The following ZNF662 variants were observed in gnomAD, a reference collection of about 807,000 sequenced individuals.
ZNF662 encodes zinc finger protein 662.
A neutral mutation model predicts 12.4 loss-of-function variants in ZNF662; 14 were observed. That is an observed-to-expected ratio of 1.13 (90% confidence interval 0.75 to 1.77). The LOEUF (loss-of-function observed/expected upper bound fraction) is 1.77. ZNF662 is among the 40% of genes most tolerant of loss of function. The probability of loss-of-function intolerance (pLI) is 0.00; values close to 1 mark genes in which losing one functional copy is unlikely to be tolerated. For missense variants in ZNF662, 550 were observed against 515.6 expected (o/e 1.07, Z -0.65); for synonymous variants, 184 against 176.4 (o/e 1.04, Z -0.34).
Position 42,906,390 on chromosome 3 carries a change from C to T in ZNF662, c.-94+222C>T, listed in dbSNP as rs1368289544. The T allele has an allele frequency of 6.6e-7, 1 of 1,521,536 alleles. No individual in the cohort carries two copies. The highest frequency in any genetic ancestry group is 2.6e-5 in the East Asian group (1 of 38,962). The allele number at this position is 1,521,536 out of a possible 1,614,324, so 94.3% of individuals were successfully genotyped here. A position where few individuals can be genotyped will look rare whatever the true frequency, so the allele number is the denominator to read the frequency against. On this transcript the variant is annotated intron_variant, in intron 1 of 4. Coordinates refer to ENST00000440367, the MANE Select transcript of ZNF662 (RefSeq NM_207404.4). The surrounding 1 kb of genome is among the most constrained non-coding windows in gnomAD (Gnocchi z 4.4). ...CGCTGGCGAGCGGGACACGCCTCGGCCTTGTCCTCGAGCTGCTCCCGGGAC... is the reference window on the plus strand; with the variant it reads ...CGCTGGCGAGCGGGACACGCCTCGGTCTTGTCCTCGAGCTGCTCCCGGGAC...
Position 42,908,800 on chromosome 3 carries a change from T to TC in ZNF662, c.44dup (p.Phe16IlefsTer49). ...CATTTCTTTCCTTTTAAGCAGCATT[T>TC]CCATTTCCCAAACCGGCTCTGATTT... On this transcript the variant is annotated frameshift_variant, in exon 3 of 5. Coordinates refer to ENST00000440367, the MANE Select transcript of ZNF662 (RefSeq NM_207404.4). LOFTEE classifies it high-confidence loss of function. 1 of 1,613,996 alleles carries TC rather than the reference T, an allele frequency of 6.2e-7. No individual in the cohort carries two copies. Among genetic ancestry groups the TC allele is most frequent in the Non-Finnish European group, 8.5e-7 (1 of 1,179,914 alleles).
rs1363684920 is a variant in ZNF662 at position 42,908,120 on chromosome 3, G to A, written c.6G>A (p.Leu2=). M[L]ENYGAVASLA... ...GAGCCCTGTACAGGGATGTGATGCTGGAGAATTATGGGGCTGTGGCTTCCC... is the reference window on the plus strand; with the variant it reads ...GAGCCCTGTACAGGGATGTGATGCTAGAGAATTATGGGGCTGTGGCTTCCC... The change falls in exon 2 of 5, where the codon CTG becomes CTA. Residue 2 remains leucine, a synonymous_variant. Transcript: ENST00000440367. The A allele has an allele frequency of 1.2e-6, 2 of 1,613,956 alleles. No individual in the cohort carries two copies. The highest frequency in any genetic ancestry group is 1.7e-5 in the Admixed American group (1 of 60,020).
In ZNF662 at chr3:42,917,064, A is replaced by G; in HGVS notation, c.*1710A>G. 6.1e-6 allele frequency: 1 copy of G among 163,780 alleles called. No homozygotes were observed. The highest frequency in any genetic ancestry group is 1.3e-5 in the Non-Finnish European group (1 of 76,352). The allele number at this position is 163,780 out of a possible 1,614,324, so 10.1% of individuals were successfully genotyped here. ...CGTCTACACAGGAAAGTAAAGAATTATAGAATTAACTAATTCTACTTGAAA... is the reference window on the plus strand; with the variant it reads ...CGTCTACACAGGAAAGTAAAGAATTGTAGAATTAACTAATTCTACTTGAAA... On this transcript the variant is annotated 3_prime_UTR_variant, in exon 5 of 5. Coordinates refer to ENST00000440367, the MANE Select transcript of ZNF662 (RefSeq NM_207404.4).
chr3:42,912,653 A>T (rs1279906740), intron 3 of ZNF662, among the ~76,000 whole-genome samples: 3 of 46,174 alleles, frequency 6.5e-5, no homozygotes, highest in African/African-American at 2.5e-4. Context: ...TATATATATA[A>T]ATATATATAT....
intron 3 of ZNF662, among the ~76,000 whole-genome samples, chr3:42,910,080 C>G (rs893433524): frequency 6.6e-6 from 1 of 152,182 alleles, no homozygotes; most frequent in Non-Finnish European, 1.5e-5. Context: ...ACTGAGTGAT[C>G]GAGACTCTGT....
In ZNF662 at chr3:42,906,422, C is replaced by T; in HGVS notation, c.-94+254C>T. ...CTCGAGCTGCTCCCGGGACAGCCCG[C>T]GCTGCCCCGGGCGCGCCGGGTGAGT... On this transcript the variant is annotated intron_variant, in intron 1 of 4. Transcript: ENST00000440367. The surrounding 1 kb of genome is among the most constrained non-coding windows in gnomAD (Gnocchi z 4.4). The T allele has an allele frequency of 6.8e-7, 1 of 1,481,304 alleles. No homozygotes were observed. The highest frequency in any genetic ancestry group is 8.9e-7 in the Non-Finnish European group (1 of 1,120,718). 91.8% of individuals were successfully genotyped at this position (1,481,304 alleles called of 1,614,324 possible).
rs9799082 is a variant in ZNF662 at position 42,909,339 on chromosome 3, G to A, written c.151+430G>A. Among the ~76,000 whole-genome samples, 143 of 152,232 alleles carry A rather than the reference G, an allele frequency of 9.4e-4. 1 individual carries two copies. The highest frequency in any genetic ancestry group is 3.2e-3 in the African/African-American group (134 of 41,540). On this transcript the variant is annotated intron_variant, in intron 3 of 4. Transcript: ENST00000440367. ...TGCACCGCCCTTAATCCATTTAACC[G>A]TTAGTGGACACAGCACATGTTTCAG...
At chr3:42,908,255 T>G in intron 2 of ZNF662, 107 bp downstream of exon 2, 1 of 1,481,640 alleles carries the variant, frequency 6.7e-7, no homozygotes. Flanking sequence ...AATGGCAGCT[T>G]CAGGCTCTTG....
rs1470695039 is a variant in ZNF662, at chr3:42,914,612, G to C, written c.539G>C (p.Gly180Ala). The stretch of plus-strand genomic sequence containing the variant: ...AATACTGATGTCAATAACCTCCTTG[G>C]TATACATCACAAAATTCTAAATGAG... ...SGNTDVNNLL[G>A]IHHKILNEQI... The change falls in exon 5 of 5, where the codon GGT (glycine) becomes GCT (alanine). Residue 180 changes from glycine to alanine, a missense_variant. Coordinates refer to ENST00000440367, the MANE Select transcript of ZNF662 (RefSeq NM_207404.4). 4 of 1,614,128 alleles carry C rather than the reference G, an allele frequency of 2.5e-6. No homozygotes were observed. In the South Asian group the frequency reaches 4.4e-5, roughly 18 times the overall value.
chr3:42,917,779 T>C lies in ZNF662; in HGVS notation c.*2425T>C, dbSNP rs2088909559. 1 of 585,718 alleles carries C rather than the reference T, an allele frequency of 1.7e-6. No homozygotes were observed. The highest frequency in any genetic ancestry group is 3.2e-5 in the Admixed American group (1 of 31,194). 36.3% of individuals were successfully genotyped at this position (585,718 alleles called of 1,614,324 possible). A position where few individuals can be genotyped will look rare whatever the true frequency, so the allele number is the denominator to read the frequency against. On this transcript the variant is annotated 3_prime_UTR_variant, in exon 5 of 5. Coordinates refer to ENST00000440367, the MANE Select transcript of ZNF662 (RefSeq NM_207404.4). ...TAGTCTCATAAGCTTCTCAGTTTTATCTCATCTCAGTTGCTTGGAAGTTGA... is the reference window on the plus strand; with the variant it reads ...TAGTCTCATAAGCTTCTCAGTTTTACCTCATCTCAGTTGCTTGGAAGTTGA...
At position 42,918,946 on chromosome 3, in the gene ZNF662, A is replaced by G. The variant is rs1353651593; in HGVS notation, c.*3592A>G. Among the ~76,000 whole-genome samples, 1 of 152,182 alleles carries G rather than the reference A, an allele frequency of 6.6e-6. No individual in the cohort carries two copies. The highest frequency in any genetic ancestry group is 2.4e-5 in the African/African-American group (1 of 41,454). Reference sequence around the variant, plus strand: ...ACTGGTAGCTATAGTTATGCCTGCTAAGATTGGGGTGTTTGGGGCTTGGCT... The same window carrying G: ...ACTGGTAGCTATAGTTATGCCTGCTGAGATTGGGGTGTTTGGGGCTTGGCT... On this transcript the variant is annotated 3_prime_UTR_variant, in exon 5 of 5. Coordinates refer to ENST00000440367, the MANE Select transcript of ZNF662 (RefSeq NM_207404.4).
In ZNF662 at chr3:42,915,346, G is replaced by C; in HGVS notation, c.1273G>C (p.Glu425Gln). 6.4e-7 allele frequency: 1 copy of C among 1,561,922 alleles called. No individual in the cohort carries two copies. The highest frequency in any genetic ancestry group is 8.6e-7 in the Non-Finnish European group (1 of 1,157,644). The change falls in exon 5 of 5, where the codon GAA (glutamate) becomes CAA (glutamine). Residue 425 changes from glutamate to glutamine, a missense_variant. Glu to Gln is a conservative substitution (Grantham distance 29, BLOSUM62 2). Coordinates refer to ENST00000440367, the MANE Select transcript of ZNF662 (RefSeq NM_207404.4). Reference sequence around the variant, plus strand: ...TAACTGTCAGATCTCTCACCTTCTTGAACATTAGAGAGTGCATAATGGTGA... The same window carrying C: ...TAACTGTCAGATCTCTCACCTTCTTCAACATTAGAGAGTGCATAATGGTGA... ...PYNCQISHLL[E>Q]H is the part of the protein sequence containing the mutation.
In ZNF662 at chr3:42,908,866, TCGGGGAGCTCTGGATGGA is replaced by T. The variant is rs761448454; in HGVS notation, c.109_126del (p.Arg37_Gly42del). 1.7e-4 allele frequency: 271 copies of T among 1,613,986 alleles called. No homozygotes were observed. Among genetic ancestry groups the T allele is most frequent in the Non-Finnish European group, 2.1e-4 (248 of 1,179,986 alleles). On this transcript the variant is annotated inframe_deletion, in exon 3 of 5. Transcript: ENST00000440367. ...GGGAAACACCCTGGTGCTCGGTTCC[TCGGGGAGCTCTGGATGGA>T]GAGGCCCCAAGGGGCATCTCCTCAG...
chr3:42,918,805 A>G lies in ZNF662; in HGVS notation c.*3451A>G, dbSNP rs576743102. On this transcript the variant is annotated 3_prime_UTR_variant, in exon 5 of 5. Transcript: ENST00000440367. ...CAATTGCATGAACATTCAGAGTTCA[A>G]TGGCCTGAAGGTGAGAAGAGACAAA... Among the ~76,000 whole-genome samples the G allele has an allele frequency of 2.0e-5, 3 of 152,290 alleles. No individual in the cohort carries two copies. Among genetic ancestry groups the G allele is most frequent in the African/African-American group, 4.8e-5 (2 of 41,566 alleles).
rs201335459 is a variant in ZNF662 at position 42,908,867 on chromosome 3, C to T, written c.109C>T (p.Arg37Trp). The T allele has an allele frequency of 6.8e-5, 110 of 1,613,512 alleles. No individual in the cohort carries two copies. The highest frequency in any genetic ancestry group is 6.5e-4 in the East Asian group (29 of 44,876). ...GGAAACACCCTGGTGCTCGGTTCCT[C>T]GGGGAGCTCTGGATGGAGAGGCCCC... ...RGETPWCSVP[R>W]GALDGEAPRG... Residue 37 changes from arginine (R) to tryptophan (W), a missense_variant, in exon 3 of 5, where the codon CGG (arginine) becomes TGG (tryptophan). Physicochemically the swap from Arg to Trp is moderately radical, Grantham distance 101. Coordinates refer to ENST00000440367, the MANE Select transcript of ZNF662 (RefSeq NM_207404.4).
At chr3:42,913,704 A>G (rs1328483076) in intron 4 of ZNF662, among the ~76,000 whole-genome samples, 1 of 152,226 alleles carries the variant, frequency 6.6e-6, no homozygotes, top group African/African-American at 2.4e-5. Flanking sequence ...TAAATGTATA[A>G]TTACAGAAAA....
chr3:42,912,783 AG>A, intron 3 of ZNF662, among the ~76,000 whole-genome samples: 1 of 133,422 alleles, frequency 7.5e-6, no homozygotes, highest in Middle Eastern at 3.8e-3. Flanking sequence ...TCTGTCGCCC[AG>A]GCTGGAGAGC....
chr3:42,917,446 A>T lies in ZNF662; in HGVS notation c.*2092A>T. Reference sequence around the variant, plus strand: ...TATAGCAACTTTTTTTTTCTGTTAAAAGGGGAGATTCTCAAGCTTCCAGGT... The same window carrying T: ...TATAGCAACTTTTTTTTTCTGTTAATAGGGGAGATTCTCAAGCTTCCAGGT... On this transcript the variant is annotated 3_prime_UTR_variant, in exon 5 of 5. Transcript: ENST00000440367. 1 of 682,066 alleles carries T rather than the reference A, an allele frequency of 1.5e-6. No individual in the cohort carries two copies. Among genetic ancestry groups the T allele is most frequent in the Admixed American group, 2.3e-5 (1 of 43,314 alleles). 42.3% of individuals were successfully genotyped at this position (682,066 alleles called of 1,614,324 possible).
Position 42,916,294 on chromosome 3 carries a change from T to C in ZNF662, c.*940T>C, listed in dbSNP as rs2088895839. On this transcript the variant is annotated 3_prime_UTR_variant, in exon 5 of 5. Coordinates refer to ENST00000440367, the MANE Select transcript of ZNF662 (RefSeq NM_207404.4). The stretch of plus-strand genomic sequence containing the variant: ...AATTGTGAACTCTAAGACCTTTTCT[T>C]CAGAAGTTGCTTTCCTTTTGAGGCC... 6.6e-6 allele frequency: 1 copy of C among 152,066 alleles called. No individual in the cohort carries two copies. Among genetic ancestry groups the C allele is most frequent in the African/African-American group, 2.4e-5 (1 of 41,398 alleles). The allele number at this position is 152,066 out of a possible 1,614,324, so 9.4% of individuals were successfully genotyped here.
Sources: allele counts gnomAD v4.1 joint callset (sites outside exome capture counted in the v4.1 genomes callset), GRCh38; gene constraint gnomAD v4.1.1; non-coding constraint Gnocchi (gnomAD v3.1); transcripts MANE v1.5; gene names NCBI Gene and HGNC (gene_info 2026-07-23, HGNC 2026-07-21).